CNTNAP2: variants seen among roughly 807,000 people sequenced by gnomAD.
CNTNAP2 encodes the protein contactin-associated protein-like 2.
Under a neutral mutation model 155.2 loss-of-function variants are expected in CNTNAP2, and 98 were observed. The ratio of observed to expected loss-of-function variants is 0.63; its 90% CI spans 0.54 to 0.75. CNTNAP2 has a LOEUF of 0.75. Ranked by LOEUF, CNTNAP2 falls within the 30% of genes least tolerant of loss-of-function variation. The pLI, the probability that CNTNAP2 is intolerant of heterozygous loss-of-function variation, is 0.00. For synonymous variants in CNTNAP2, 651 were observed against 631.2 expected (o/e 1.03, Z -0.47); for missense variants, 1,727 against 1,688.1 (o/e 1.02, Z -0.40).
At chr7:146,471,616 G>A (rs1375666297) in intron 1 of CNTNAP2, among the ~76,000 whole-genome samples, 1 of 152,206 alleles carries the variant, frequency 6.6e-6, no homozygotes. Flanking sequence ...CTCAATTTGT[G>A]TGTGCAGATT....
At chr7:147,677,808 G>A (rs758419613) in intron 13 of CNTNAP2, among the ~76,000 whole-genome samples, 11 of 151,624 alleles carry the variant, frequency 7.3e-5, no homozygotes, top group Non-Finnish European at 1.6e-4. Context: ...TAGTACCTTT[G>A]TTGAATATTA....
intron 3 of CNTNAP2, among the ~76,000 whole-genome samples, chr7:146,971,920 T>G (rs919614179): frequency 3.3e-5 from 5 of 152,198 alleles, no homozygotes; most frequent in African/African-American, 1.2e-4. Flanking sequence ...CCTAAGAAAT[T>G]TATATCACGC....
At chr7:147,373,364 T>G (rs1796381083) in intron 9 of CNTNAP2, among the ~76,000 whole-genome samples, 1 of 152,072 alleles carries the variant, frequency 6.6e-6, no homozygotes, top group Non-Finnish European at 1.5e-5. Flanking sequence ...TAACCAGAAG[T>G]TGATGTAGTT....
At chr7:146,314,284 C>T (rs559349199) in intron 1 of CNTNAP2, among the ~76,000 whole-genome samples, 1 of 152,174 alleles carries the variant, frequency 6.6e-6, no homozygotes, top group African/African-American at 2.4e-5. Flanking sequence ...GTTTGTCCAG[C>T]CTGCTGTCTT....
rs560986752 is a variant in CNTNAP2, at chr7:146,439,701, T to A, written c.97+322728T>A. Among the ~76,000 whole-genome samples the A allele has an allele frequency of 5.3e-5, 8 of 151,622 alleles. No homozygotes were observed. The South Asian group carries it at 1.7e-3, about 31-fold the overall frequency. On this transcript the variant is annotated intron_variant, in intron 1 of 23. Coordinates refer to ENST00000361727, the MANE Select transcript of CNTNAP2 (RefSeq NM_014141.6). ...CATATATATATGGGAGCAGAATGAC[T>A]CTTGTCGTAGTCACAAAGGTTCCAA...
In CNTNAP2 at chr7:146,487,573, G is replaced by C. The variant is rs150636633; in HGVS notation, c.98-286698G>C. ...GAGTCAAAAGTGAGGGCAGAGGAGGGACTTGGTGATCAATTTTCCCCACAG... is the reference window on the plus strand; with the variant it reads ...GAGTCAAAAGTGAGGGCAGAGGAGGCACTTGGTGATCAATTTTCCCCACAG... On this transcript the variant is annotated intron_variant, in intron 1 of 23. Coordinates refer to ENST00000361727, the MANE Select transcript of CNTNAP2 (RefSeq NM_014141.6). Among the ~76,000 whole-genome samples the C allele has an allele frequency of 1.7e-3, 256 of 152,282 alleles. 1 individual carries two copies. Among genetic ancestry groups the C allele is most frequent in the African/African-American group, 5.9e-3 (245 of 41,546 alleles).
At chr7:146,717,762 T>G (rs965371095) in intron 1 of CNTNAP2, among the ~76,000 whole-genome samples, 4 of 151,976 alleles carry the variant, frequency 2.6e-5, no homozygotes, top group Non-Finnish European at 5.9e-5. Context: ...TAATTGAGGT[T>G]TTTTTTTGTG....
chr7:147,738,497 C>G (rs1021247798), intron 13 of CNTNAP2, among the ~76,000 whole-genome samples: 4 of 152,174 alleles, frequency 2.6e-5, no homozygotes, highest in African/African-American at 9.7e-5. Context: ...AGAGGCAAGA[C>G]CCTTCACTAG....
At chr7:147,319,557 T>C (rs1011805433) in intron 9 of CNTNAP2, among the ~76,000 whole-genome samples, 5 of 152,084 alleles carry the variant, frequency 3.3e-5, no homozygotes, top group African/African-American at 9.7e-5. Flanking sequence ...TTTGTAATTT[T>C]AGTAGAGATG....
At chr7:146,223,652 T>A (rs1042178087) in intron 1 of CNTNAP2, among the ~76,000 whole-genome samples, 2 of 152,172 alleles carry the variant, frequency 1.3e-5, no homozygotes, top group Non-Finnish European at 2.9e-5. Context: ...TCTTCTTAAC[T>A]GGAATAGGTA....
At chr7:146,949,785 C>G (rs1304037153) in intron 3 of CNTNAP2, among the ~76,000 whole-genome samples, 1 of 152,104 alleles carries the variant, frequency 6.6e-6, no homozygotes, top group Non-Finnish European at 1.5e-5. Context: ...CAGACCTGAT[C>G]CAGGACTCTT....
chr7:147,369,904 TTGCCCATAAG>T (rs1294816711), intron 9 of CNTNAP2, among the ~76,000 whole-genome samples: 1 of 152,232 alleles, frequency 6.6e-6, no homozygotes, highest in African/African-American at 2.4e-5. Flanking sequence ...AAAGAAATCA[TTGCCCATAAG>T]AAAGTGATAT....
At chr7:147,656,081 A>T (rs1795521183) in intron 13 of CNTNAP2, among the ~76,000 whole-genome samples, 1 of 152,218 alleles carries the variant, frequency 6.6e-6, no homozygotes, top group Non-Finnish European at 1.5e-5. Context: ...TGGTAGCTTC[A>T]AATTTTTCTT....
intron 13 of CNTNAP2, among the ~76,000 whole-genome samples, chr7:147,689,621 A>G (rs1365319054): frequency 6.6e-6 from 1 of 152,206 alleles, no homozygotes; most frequent in Non-Finnish European, 1.5e-5. Flanking sequence ...ACACCAAAAT[A>G]TACTTTGTGC....
chr7:148,128,609 C>A (rs1041166074), intron 16 of CNTNAP2, among the ~76,000 whole-genome samples: 1 of 152,156 alleles, frequency 6.6e-6, no homozygotes, highest in Non-Finnish European at 1.5e-5. Flanking sequence ...TTGCCAATTA[C>A]ACTGAAGGGA....
intron 3 of CNTNAP2, among the ~76,000 whole-genome samples, chr7:147,029,500 G>A (rs1196357244): frequency 6.6e-6 from 1 of 151,020 alleles, no homozygotes; most frequent in Non-Finnish European, 1.5e-5. Flanking sequence ...TGCAGTGAAA[G>A]GGAATAGAAA....
At chr7:147,890,733 T>C (rs926621724) in intron 13 of CNTNAP2, among the ~76,000 whole-genome samples, 4 of 152,310 alleles carry the variant, frequency 2.6e-5, no homozygotes, top group Non-Finnish European at 5.9e-5. Context: ...ATCTCACTTA[T>C]ATATGGAATT....
chr7:148,324,083 C>T (rs773552125), intron 21 of CNTNAP2, among the ~76,000 whole-genome samples: 3 of 151,944 alleles, frequency 2.0e-5, no homozygotes, highest in Non-Finnish European at 4.4e-5. Flanking sequence ...CGGGGTTTTG[C>T]CATGTTGGCC....
At chr7:147,627,627 G>C (rs1367426147) in intron 12 of CNTNAP2, among the ~76,000 whole-genome samples, 2 of 150,324 alleles carry the variant, frequency 1.3e-5, no homozygotes. Flanking sequence ...GGGAGGCGGA[G>C]GTTGCAGTGA....
Sources: allele counts gnomAD v4.1 joint callset (sites outside exome capture counted in the v4.1 genomes callset), GRCh38; gene constraint gnomAD v4.1.1; transcripts MANE v1.5; gene names NCBI Gene and HGNC (gene_info 2026-07-23, HGNC 2026-07-21).